ERCC3: variants seen among roughly 807,000 people sequenced by gnomAD.
The protein encoded by ERCC3 is general transcription and DNA repair factor IIH helicase/translocase subunit XPB.
In ERCC3, 66 loss-of-function variants were observed where a neutral mutation model predicts 94.2. The observed-to-expected ratio is 0.70, with a 90% confidence interval of 0.57 to 0.86. The LOEUF is 0.86. ERCC3 is among the 40% of genes least tolerant of loss of function. The pLI is 0.00. For missense variants in ERCC3, 829 were observed against 987.1 expected (o/e 0.84, Z 2.15); for synonymous variants, 349 against 369.1 (o/e 0.95, Z 0.63).
chr2:127,274,386 A>C lies in ERCC3; in HGVS notation c.1731-1425T>G, dbSNP rs371640273. On this transcript the variant is annotated intron_variant, in intron 10 of 14. Transcript: ENST00000285398. This position sits in a 1 kb window ranked among gnomAD's most constrained non-coding sequence, Gnocchi z 4.0. ...CTGCCAAGATTCCTCAGCATTGTAA[A>C]AGACAGGTTTCATGTTCCCCAATTT... 6.6e-6 allele frequency among the ~76,000 whole-genome samples: 1 copy of C among 152,218 alleles called. No individual in the cohort carries two copies. The highest frequency in any genetic ancestry group is 1.5e-5 in the Non-Finnish European group (1 of 68,030).
chr2:127,265,035 C>T (rs757532062), intron 12 of ERCC3, among the ~76,000 whole-genome samples: 15 of 152,026 alleles, frequency 9.9e-5, no homozygotes, highest in Admixed American at 2.6e-4. Context: ...TTAGTAGAGA[C>T]GAGGTTTCAC....
chr2:127,269,725 A>G (rs1024038792), intron 12 of ERCC3, among the ~76,000 whole-genome samples: 2 of 149,606 alleles, frequency 1.3e-5, no homozygotes, highest in Non-Finnish European at 3.0e-5. Context: ...CTGGCCTTCT[A>G]TTCACATTTA....
rs927307757 is a variant in ERCC3 at position 127,286,749 on chromosome 2, G to A, written c.1296C>T (p.Thr432=). ...CCAGGATCATGAGGCCCCACTCCTG[G>A]GTCTTGAGCCACTCCATGACTCGCT... ...EAERVMEWLK[T]QEWGLMILDE... Residue 432 remains threonine, a synonymous_variant, in exon 8 of 15, where the codon ACC becomes ACT. Coordinates refer to ENST00000285398, the MANE Select transcript of ERCC3 (RefSeq NM_000122.2). 9 of 1,614,086 alleles carry A rather than the reference G, an allele frequency of 5.6e-6. No homozygotes were observed. The highest frequency in any genetic ancestry group is 7.6e-6 in the Non-Finnish European group (9 of 1,180,016).
chr2:127,261,609 C>T (rs1684192553), intron 12 of ERCC3: 1 of 449,500 alleles, frequency 2.2e-6, no homozygotes, highest in Admixed American at 3.4e-5. Context: ...CTAGGTTATA[C>T]AAAGAACTGT....
rs752084851 is a variant in ERCC3, at chr2:127,259,321, C to T, written c.2192G>A (p.Gly731Glu). The T allele has an allele frequency of 6.2e-7, 1 of 1,614,218 alleles. No individual in the cohort carries two copies. Among genetic ancestry groups the T allele is most frequent in the Admixed American group, 1.7e-5 (1 of 60,022 alleles). The change falls in exon 14 of 15, where the codon GGG (glycine) becomes GAG (glutamate). Residue 731 changes from glycine to glutamate, a missense_variant. Physicochemically the swap from Gly to Glu is moderately conservative, Grantham distance 98. Transcript: ENST00000285398. The surrounding 1 kb of genome is among the most constrained non-coding windows in gnomAD (Gnocchi z 4.9). The stretch of plus-strand genomic sequence containing the variant: ...CTGGCTGGATCTGGAGCCAAATTCC[C>T]CAGCCACCACCTCCTCCTCGGCATC... ...DLDAEEEVVAGEFGSRSSQAS... is the reference protein window; with the variant it reads ...DLDAEEEVVAEEFGSRSSQAS...
At position 127,271,040 on chromosome 2, in the gene ERCC3, C is replaced by T. The variant is rs956346268; in HGVS notation, c.1945+296G>A. ...TGTTTTCTCCCTTCCATGTCTACCC[C>T]ATAAGCACTGCCTTGCCCTGGCTCC... On this transcript the variant is annotated intron_variant, in intron 12 of 14. Transcript: ENST00000285398. The surrounding 1 kb of genome is among the most constrained non-coding windows in gnomAD (Gnocchi z 5.0). Among the ~76,000 whole-genome samples, 2 of 152,214 alleles carry T rather than the reference C, an allele frequency of 1.3e-5. No individual in the cohort carries two copies. Among genetic ancestry groups the T allele is most frequent in the African/African-American group, 4.8e-5 (2 of 41,464 alleles).
intron 12 of ERCC3, among the ~76,000 whole-genome samples, chr2:127,268,511 C>T (rs987730917): frequency 2.6e-5 from 4 of 152,170 alleles, no homozygotes; most frequent in African/African-American, 7.2e-5. Flanking sequence ...AATCTGCCTA[C>T]CTTGGCCTCC....
In ERCC3 at chr2:127,271,330, C is replaced by CT; in HGVS notation, c.1945+5dup. 1 of 1,601,422 alleles carries CT rather than the reference C, an allele frequency of 6.2e-7. No individual in the cohort carries two copies. Among genetic ancestry groups the CT allele is most frequent in the Non-Finnish European group, 8.6e-7 (1 of 1,168,396 alleles). On this transcript the variant is annotated splice_donor_region_variant and intron_variant, in intron 12 of 14. Coordinates refer to ENST00000285398, the MANE Select transcript of ERCC3 (RefSeq NM_000122.2). This position sits in a 1 kb window ranked among gnomAD's most constrained non-coding sequence, Gnocchi z 5.0. ...TCCTGCAACAGAAGATGAAAGGCCA[C>CT]TTTACCTTTTTTAGCTCGAAGCACC... is the stretch of plus-strand genomic sequence containing the variant.
At position 127,258,728 on chromosome 2, in the gene ERCC3, T is replaced by C. The variant is rs1249016689; in HGVS notation, c.2217+568A>G. ...TCTCCATAATGATGCTCTCACTAAT[T>C]AGACCATATATTTACTTGGCCTAGA... On this transcript the variant is annotated intron_variant, in intron 14 of 14. Transcript: ENST00000285398. The surrounding 1 kb of genome is among the most constrained non-coding windows in gnomAD (Gnocchi z 4.1). Among the ~76,000 whole-genome samples, 1 of 152,226 alleles carries C rather than the reference T, an allele frequency of 6.6e-6. No homozygotes were observed. Among genetic ancestry groups the C allele is most frequent in the African/African-American group, 2.4e-5 (1 of 41,460 alleles).
rs1180632958 is a variant in ERCC3, at chr2:127,266,355, T to TGA, written c.1945+4979_1945+4980dup. 1.1e-3 allele frequency among the ~76,000 whole-genome samples: 153 copies of TGA among 138,460 alleles called. 2 individuals carry two copies. Among genetic ancestry groups the TGA allele is most frequent in the Non-Finnish European group, 1.8e-3 (113 of 64,364 alleles). 90.8% of individuals were successfully genotyped at this position (138,460 alleles called of 152,430 possible). The stretch of plus-strand genomic sequence containing the variant: ...AGTCTTTTTTTTTTTTTTTTTTTTT[T>TGA]GAGAGAGTCTCGCTCTGTTGCCCAG... On this transcript the variant is annotated intron_variant, in intron 12 of 14. Transcript: ENST00000285398.
At position 127,289,583 on chromosome 2, in the gene ERCC3, G is replaced by C; in HGVS notation, c.658-82C>G. 3 of 1,599,296 alleles carry C rather than the reference G, an allele frequency of 1.9e-6. No individual in the cohort carries two copies. In the South Asian group the frequency reaches 3.3e-5, roughly 18 times the overall value. Reference sequence around the variant, plus strand: ...GCAATGGGTGAAGTTGTAAAGGGTAGAACCAGCAGGGCTGCTAGGTTGTAA... The same window carrying C: ...GCAATGGGTGAAGTTGTAAAGGGTACAACCAGCAGGGCTGCTAGGTTGTAA... On this transcript the variant is annotated intron_variant, in intron 5 of 14. Coordinates refer to ENST00000285398, the MANE Select transcript of ERCC3 (RefSeq NM_000122.2).
intron 11 of ERCC3, among the ~76,000 whole-genome samples, chr2:127,272,627 A>C (rs553991270): frequency 1.3e-5 from 2 of 152,312 alleles, no homozygotes; most frequent in South Asian, 4.1e-4. Context: ...CTACATCCCC[A>C]AAAGAACTGG....
chr2:127,276,945 C>A (rs1006992376), intron 10 of ERCC3, among the ~76,000 whole-genome samples: 6 of 152,124 alleles, frequency 3.9e-5, no homozygotes, highest in Admixed American at 2.0e-4. Flanking sequence ...TAGGACCTGG[C>A]CAAACTACTG....
chr2:127,265,106 C>G (rs970281216), intron 12 of ERCC3, among the ~76,000 whole-genome samples: 3 of 152,042 alleles, frequency 2.0e-5, no homozygotes, highest in Non-Finnish European at 4.4e-5. Context: ...CTCAGCCTTC[C>G]AAAGTGCTGG....
chr2:127,263,915 G>C (rs534995483), intron 12 of ERCC3, among the ~76,000 whole-genome samples: 165 of 152,124 alleles, frequency 1.1e-3, no homozygotes, highest in Non-Finnish European at 1.9e-3. Flanking sequence ...CACCATGTTA[G>C]CCAGAATGAC....
At chr2:127,281,307 G>C (rs1400561993) in intron 8 of ERCC3, among the ~76,000 whole-genome samples, 1 of 152,152 alleles carries the variant, frequency 6.6e-6, no homozygotes, top group Non-Finnish European at 1.5e-5. Context: ...TCCAGGAACT[G>C]TTCGCCCAAG....
rs139323465 is a variant in ERCC3, at chr2:127,259,085, G to A, written c.2217+211C>T. The stretch of plus-strand genomic sequence containing the variant: ...TGAGCAAAGCAGGAGACCAGTCACA[G>A]CCACTGTGAGCTCAGCTGTGTGCAA... On this transcript the variant is annotated intron_variant, in intron 14 of 14. Transcript: ENST00000285398. The surrounding 1 kb of genome is among the most constrained non-coding windows in gnomAD (Gnocchi z 4.9). Among the ~76,000 whole-genome samples, 353 of 152,316 alleles carry A rather than the reference G, an allele frequency of 2.3e-3. 1 individual carries two copies. The highest frequency in any genetic ancestry group is 7.7e-3 in the African/African-American group (320 of 41,566).
intron 12 of ERCC3, among the ~76,000 whole-genome samples, chr2:127,268,687 TTTAAGA>T (rs1333914681): frequency 6.6e-6 from 1 of 152,254 alleles, no homozygotes; most frequent in Non-Finnish European, 1.5e-5. Context: ...TCTAGCTGTC[TTTAAGA>T]TTCTTTCTTT....
chr2:127,289,521 T>C lies in ERCC3; in HGVS notation c.658-20A>G. The C allele has an allele frequency of 1.2e-6, 2 of 1,612,250 alleles. No homozygotes were observed. Among genetic ancestry groups the C allele is most frequent in the Non-Finnish European group, 1.7e-6 (2 of 1,179,904 alleles). On this transcript the variant is annotated intron_variant, in intron 5 of 14. Transcript: ENST00000285398. The stretch of plus-strand genomic sequence containing the variant: ...AGAAATCTGTGAGAGAGGTAGGTGC[T>C]GAACGTGCACACAACATTTAATTCT...
Sources: allele counts gnomAD v4.1 joint callset (sites outside exome capture counted in the v4.1 genomes callset), GRCh38; gene constraint gnomAD v4.1.1; non-coding constraint Gnocchi (gnomAD v3.1); transcripts MANE v1.5; gene names NCBI Gene and HGNC (gene_info 2026-07-23, HGNC 2026-07-21).